The following NKAIN2 variants were observed in gnomAD, a reference collection of about 807,000 sequenced individuals.
The protein encoded by NKAIN2 is sodium/potassium-transporting ATPase subunit beta-1-interacting protein 2.
A neutral mutation model predicts 32.6 loss-of-function variants in NKAIN2; 14 were observed. The observed-to-expected ratio is 0.43, with a 90% confidence interval of 0.28 to 0.67. The LOEUF (loss-of-function observed/expected upper bound fraction) is 0.67, where lower values mean the gene tolerates loss of function less well. Ranked by LOEUF, NKAIN2 falls within the 30% of genes least tolerant of loss-of-function variation. The probability of loss-of-function intolerance (pLI) is 0.17; values close to 1 mark genes in which losing one functional copy is unlikely to be tolerated. For synonymous variants in NKAIN2, 80 were observed against 87.2 expected (o/e 0.92, Z 0.46); for missense variants, 198 against 258.3 (o/e 0.77, Z 1.60).
rs188314440 is a variant in NKAIN2 at position 123,882,176 on chromosome 6, A to G, written c.54+77922A>G. On this transcript the variant is annotated intron_variant, in intron 1 of 6. Transcript: ENST00000368417. ...GTTGTGTTTTAAATTTTTGCACAAT[A>G]AAATATATCAAATATATATTTAAAA... 3.3e-5 allele frequency among the ~76,000 whole-genome samples: 5 copies of G among 152,256 alleles called. No homozygotes were observed. The East Asian group carries it at 9.6e-4, about 29-fold the overall frequency.
chr6:123,926,890 A>C (rs1479289960), intron 1 of NKAIN2, among the ~76,000 whole-genome samples: 1 of 151,982 alleles, frequency 6.6e-6, no homozygotes, highest in Non-Finnish European at 1.5e-5. Flanking sequence ...CCTTTCTTGG[A>C]CTCCTCATTT....
chr6:124,698,438 C>A lies in NKAIN2; in HGVS notation c.474+40052C>A, dbSNP rs574476356. On this transcript the variant is annotated intron_variant, in intron 4 of 6. Coordinates refer to ENST00000368417, the MANE Select transcript of NKAIN2 (RefSeq NM_001040214.3). ...TGTTACCCTGAAGAAAATTTGAAAT[C>A]AGCTCCACTTGGATATAATAAATAC... Among the ~76,000 whole-genome samples the A allele has an allele frequency of 1.4e-4, 22 of 152,202 alleles. 1 individual carries two copies. The highest frequency in any genetic ancestry group is 1.2e-3 in the Admixed American group (18 of 15,280).
intron 1 of NKAIN2, among the ~76,000 whole-genome samples, chr6:124,061,864 C>T (rs141846887): frequency 1.1e-3 from 167 of 152,114 alleles, no homozygotes; most frequent in African/African-American, 4.0e-3. Flanking sequence ...TGTAATTAAT[C>T]CTTGCCCTTT....
chr6:124,129,900 G>C (rs1786373938), intron 1 of NKAIN2, among the ~76,000 whole-genome samples: 1 of 152,150 alleles, frequency 6.6e-6, no homozygotes, highest in African/African-American at 2.4e-5. Flanking sequence ...TTATAGGCGT[G>C]AGCCACCCCA....
chr6:124,053,826 A>G (rs1354185828), intron 1 of NKAIN2, among the ~76,000 whole-genome samples: 1 of 152,046 alleles, frequency 6.6e-6, no homozygotes, highest in Non-Finnish European at 1.5e-5. Flanking sequence ...TTAGTCTGAC[A>G]GTTACAAGGT....
chr6:124,477,688 C>G, intron 3 of NKAIN2, among the ~76,000 whole-genome samples: 1 of 114,184 alleles, frequency 8.8e-6, no homozygotes, highest in Non-Finnish European at 1.8e-5. Flanking sequence ...CCCCTCCCCT[C>G]TCCCTCATCC....
intron 1 of NKAIN2, among the ~76,000 whole-genome samples, chr6:123,942,340 T>G (rs1168738671): frequency 6.6e-6 from 1 of 152,040 alleles, no homozygotes; most frequent in Non-Finnish European, 1.5e-5. Context: ...GTTAAAGAGT[T>G]AAAGAGTTTT....
At chr6:124,138,341 G>T (rs1786937986) in intron 1 of NKAIN2, among the ~76,000 whole-genome samples, 1 of 152,086 alleles carries the variant, frequency 6.6e-6, no homozygotes, top group African/African-American at 2.4e-5. Flanking sequence ...AATAAGAGAT[G>T]TTGGCATGGA....
chr6:123,995,672 T>G (rs1042015395), intron 1 of NKAIN2, among the ~76,000 whole-genome samples: 4 of 152,166 alleles, frequency 2.6e-5, no homozygotes, highest in Admixed American at 2.6e-4. Flanking sequence ...ATAACTTTCT[T>G]TGCTGTAAAA....
At chr6:124,139,078 A>ATTTT in intron 1 of NKAIN2, among the ~76,000 whole-genome samples, 1 of 73,534 alleles carries the variant, frequency 1.4e-5, no homozygotes, top group South Asian at 4.9e-4. Flanking sequence ...TTTAAATAAA[A>ATTTT]ATTTTTTTTT....
intron 1 of NKAIN2, among the ~76,000 whole-genome samples, chr6:123,988,095 T>A (rs1304865055): frequency 1.3e-5 from 2 of 152,304 alleles, no homozygotes; most frequent in African/African-American, 4.8e-5. Context: ...ATATGATGTT[T>A]AAAATTATTG....
chr6:124,268,491 C>T (rs1216308475), intron 1 of NKAIN2, among the ~76,000 whole-genome samples: 1 of 152,030 alleles, frequency 6.6e-6, no homozygotes, highest in Non-Finnish European at 1.5e-5. Flanking sequence ...ACTGACAGCA[C>T]AGCAGCAATG....
chr6:124,536,836 C>T (rs1779734353), intron 3 of NKAIN2, among the ~76,000 whole-genome samples: 1 of 152,044 alleles, frequency 6.6e-6, no homozygotes, highest in South Asian at 2.1e-4. Context: ...AACAAATAAA[C>T]AATAAGGCAA....
intron 1 of NKAIN2, among the ~76,000 whole-genome samples, chr6:124,175,549 C>T (rs1404128016): frequency 6.6e-6 from 1 of 152,156 alleles, no homozygotes; most frequent in Admixed American, 6.6e-5. Context: ...ATGAAAATCA[C>T]TTACATGTTA....
At chr6:124,046,307 G>A (rs898926607) in intron 1 of NKAIN2, among the ~76,000 whole-genome samples, 2 of 151,916 alleles carry the variant, frequency 1.3e-5, no homozygotes, top group African/African-American at 4.8e-5. Context: ...GTCCTTGGGG[G>A]AAATGATACA....
intron 4 of NKAIN2, among the ~76,000 whole-genome samples, chr6:124,699,701 G>A (rs1420000168): frequency 1.3e-5 from 2 of 152,090 alleles, no homozygotes; most frequent in African/African-American, 4.8e-5. Context: ...GTTTCCTGAG[G>A]TCTCCCCAGA....
intron 1 of NKAIN2, among the ~76,000 whole-genome samples, chr6:124,262,249 C>A (rs528356862): frequency 6.6e-6 from 1 of 152,058 alleles, no homozygotes; most frequent in Admixed American, 6.5e-5. Context: ...CACTCATAAT[C>A]CAAGGATGCA....
At chr6:124,021,899 TTTA>T (rs371479745) in intron 1 of NKAIN2, among the ~76,000 whole-genome samples, 1 of 152,144 alleles carries the variant, frequency 6.6e-6, no homozygotes, top group Non-Finnish European at 1.5e-5. Context: ...ATACTCTTTT[TTTA>T]TTATTATTAT....
intron 1 of NKAIN2, among the ~76,000 whole-genome samples, chr6:124,032,873 A>G (rs1781464032): frequency 6.6e-6 from 1 of 151,974 alleles, no homozygotes; most frequent in Non-Finnish European, 1.5e-5. Flanking sequence ...TATTAACAAT[A>G]TTTCCTCTCT....
Sources: gnomAD v4.1 joint callset for allele counts (sites outside exome capture counted in the v4.1 genomes callset) on GRCh38, gnomAD v4.1.1 for gene constraint, MANE v1.5 for transcripts, NCBI Gene and HGNC (gene_info 2026-07-23, HGNC 2026-07-21) for gene names.